Variants in ACOT9 observed in about 807,000 individuals in gnomAD.
The protein encoded by ACOT9 is acyl-CoA thioesterase 9.
Under a neutral mutation model 39.7 loss-of-function variants are expected in ACOT9, and 34 were observed. The observed-to-expected ratio is 0.86, with a 90% CI of 0.65 to 1.14. ACOT9 has a LOEUF of 1.14. Among genes scored for constraint, ACOT9 ranks in the 50% most tolerant of loss-of-function variants. The pLI, the probability that ACOT9 is intolerant of heterozygous loss-of-function variation, is 0.00. For synonymous variants in ACOT9, 110 were observed against 120.5 expected, an observed-to-expected ratio of 0.91 and a Z score of 0.57; for missense variants, 313 against 344.1, an observed-to-expected ratio of 0.91 and a Z score of 0.71.
chrX:23,725,589 G>T (rs1353781759), intron 6 of ACOT9, among the ~76,000 whole-genome samples: 2 of 110,395 alleles, frequency 1.8e-5, no homozygotes, highest in African/African-American at 3.3e-5. Context: ...AGGCCGAGGT[G>T]GGGGGATCCC....
intron 3 of ACOT9, among the ~76,000 whole-genome samples, chrX:23,733,611 C>G (rs1254679848): frequency 8.9e-6 from 1 of 111,766 alleles, no homozygotes; most frequent in African/African-American, 3.3e-5. Context: ...GATGGTCTCA[C>G]TCTGTCACCC....
intron 10 of ACOT9, 104 bp from the exon 11 acceptor site, chrX:23,706,843 G>C: frequency 4.3e-6 from 2 of 461,261 alleles, no homozygotes; most frequent in Non-Finnish European, 7.5e-6. Context: ...AATTATACAC[G>C]TATCCAAGAG....
At chrX:23,716,110 A>T (rs1444129139) in intron 8 of ACOT9, among the ~76,000 whole-genome samples, 3 of 111,613 alleles carry the variant, frequency 2.7e-5, no homozygotes, top group Non-Finnish European at 3.8e-5. Flanking sequence ...GTATTGAGGG[A>T]GGAGGCCTGA....
At chrX:23,743,089 C>T (rs1920998042) in intron 1 of ACOT9, 36 bp downstream of exon 1, 1 of 1,140,074 alleles carries the variant, frequency 8.8e-7, no homozygotes. Context: ...CCCCAGGCTA[C>T]CGCCCTGCCA....
chrX:23,734,626 A>G lies in ACOT9; in HGVS notation c.119-259T>C, dbSNP rs765909182. On this transcript the variant is annotated intron_variant, in intron 2 of 15. Transcript: ENST00000379303. ...TGATTTTTCTATCAAACAATTTTGG[A>G]TACACCATAAATTTGATGTATAATT... is the stretch of plus-strand genomic sequence containing the variant. Among the ~76,000 whole-genome samples, 20 of 112,002 alleles carry G rather than the reference A, an allele frequency of 1.8e-4. No individual in the cohort carries two copies. The South Asian group carries it at 1.8e-3, about 10-fold the overall frequency.
chrX:23,730,717 C>T lies in ACOT9; in HGVS notation c.362+99G>A, dbSNP rs1189849842. 2.3e-5 allele frequency: 23 copies of T among 981,266 alleles called. No homozygotes were observed. The African/African-American group carries it at 3.5e-4, about 15-fold the overall frequency. 80.9% of individuals were successfully genotyped at this position (981,266 alleles called of 1,213,427 possible). ...AATATATCAAAACCATGGAACTGTACACTTTAAACAGGCGAATTGTATGGT... is the reference window on the plus strand; with the variant it reads ...AATATATCAAAACCATGGAACTGTATACTTTAAACAGGCGAATTGTATGGT... On this transcript the variant is annotated intron_variant, in intron 5 of 15. Coordinates refer to ENST00000379303, the MANE Select transcript of ACOT9 (RefSeq NM_001037171.2).
chrX:23,738,439 T>C (rs1404997586), intron 1 of ACOT9, among the ~76,000 whole-genome samples: 1 of 107,202 alleles, frequency 9.3e-6, no homozygotes. Context: ...TGAAACCCTA[T>C]CTCTATTAAA....
intron 7 of ACOT9, 115 bp from the exon 8 acceptor site, chrX:23,722,099 CTAAAA>C: frequency 7.0e-6 from 3 of 431,578 alleles, no homozygotes; most frequent in Non-Finnish European, 1.1e-5. Context: ...GTCTTCAAAA[CTAAAA>C]TAACTTTTTT....
At chrX:23,738,225 A>G (rs1326489238) in intron 1 of ACOT9, among the ~76,000 whole-genome samples, 5 of 109,134 alleles carry the variant, frequency 4.6e-5, no homozygotes, top group Non-Finnish European at 9.5e-5. Flanking sequence ...TGAATTTTCC[A>G]TTTTTTTCAT....
intron 6 of ACOT9, among the ~76,000 whole-genome samples, chrX:23,724,808 GT>G (rs1474011242): frequency 9.0e-6 from 1 of 111,167 alleles, no homozygotes; most frequent in Non-Finnish European, 1.9e-5. Context: ...ATGGTGCAGT[GT>G]GCCTATAGTC....
chrX:23,733,254 A>G (rs1445392500), intron 3 of ACOT9, 37 bp from the exon 4 acceptor site: 1 of 1,136,638 alleles, frequency 8.8e-7, no homozygotes, highest in African/African-American at 1.8e-5. Context: ...CATGAAACAA[A>G]GAAATATGAG....
intron 7 of ACOT9, 106 bp downstream of exon 7, chrX:23,722,564 C>CA (rs55779124): frequency 0.22 from 91,921 of 414,395 alleles, 2,279 homozygotes; most frequent in Non-Finnish European, 0.24. Context: ...AACTCCGTCT[C>CA]AAAAAAAAAA....
rs1317711290 is a variant in ACOT9 at position 23,721,995 on chromosome X, G to C, written c.485-11C>G. The C allele has an allele frequency of 8.5e-7, 1 of 1,178,090 alleles. No homozygotes were observed. The highest frequency in any genetic ancestry group is 1.1e-6 in the Non-Finnish European group (1 of 870,394). On this transcript the variant is annotated splice_polypyrimidine_tract_variant and intron_variant, in intron 7 of 15. Coordinates refer to ENST00000379303, the MANE Select transcript of ACOT9 (RefSeq NM_001037171.2). ...TCTTCTTACACATATCTGCAAAACA[G>C]AAGTCAATCAGGGTCCAAGTCATAC...
intron 1 of ACOT9, among the ~76,000 whole-genome samples, chrX:23,742,250 GAGAGAGAT>G (rs1920979947): frequency 3.3e-5 from 2 of 59,772 alleles, no homozygotes; most frequent in African/African-American, 1.7e-4. Flanking sequence ...GAGAGAGAGA[GAGAGAGAT>G]ATCCAGGACC....
chrX:23,721,561 C>T (rs1398565296), intron 8 of ACOT9, among the ~76,000 whole-genome samples: 1 of 112,055 alleles, frequency 8.9e-6, no homozygotes, highest in Non-Finnish European at 1.9e-5. Context: ...GAAATGAATA[C>T]AGTAATCAAT....
intron 1 of ACOT9, among the ~76,000 whole-genome samples, chrX:23,736,812 C>T (rs191901893): frequency 1.8e-3 from 197 of 111,249 alleles, no homozygotes; most frequent in Non-Finnish European, 3.2e-3. Flanking sequence ...GAGTGAGACC[C>T]TGCTTCAAAA....
chrX:23,724,589 T>C (rs1301232626), intron 6 of ACOT9, among the ~76,000 whole-genome samples: 1 of 109,989 alleles, frequency 9.1e-6, no homozygotes, highest in Non-Finnish European at 1.9e-5. Flanking sequence ...CCAGGCAACA[T>C]GGTGAGATCC....
Position 23,741,493 on chromosome X carries a change from T to C in ACOT9, c.20+1632A>G, listed in dbSNP as rs776479505. Reference sequence around the variant, plus strand: ...GTGCAATAACAGGCAATACCACTCATATGCCCTCCACTCTGAGGAAATAAC... The same window carrying C: ...GTGCAATAACAGGCAATACCACTCACATGCCCTCCACTCTGAGGAAATAAC... On this transcript the variant is annotated intron_variant, in intron 1 of 15. Transcript: ENST00000379303. 9.0e-5 allele frequency among the ~76,000 whole-genome samples: 10 copies of C among 110,796 alleles called. No individual in the cohort carries two copies. The South Asian group carries it at 3.1e-3, about 34-fold the overall frequency.
At chrX:23,725,106 G>A (rs921217933) in intron 6 of ACOT9, among the ~76,000 whole-genome samples, 2 of 111,292 alleles carry the variant, frequency 1.8e-5, no homozygotes, top group Non-Finnish European at 3.8e-5. Flanking sequence ...GGGCAGAAGG[G>A]AAGGGTAGAG....
Sources: gnomAD v4.1 joint callset for allele counts (sites outside exome capture counted in the v4.1 genomes callset) on GRCh38, gnomAD v4.1.1 for gene constraint, MANE v1.5 for transcripts, NCBI Gene and HGNC (gene_info 2026-07-23, HGNC 2026-07-21) for gene names.